Variants in CELF1 observed in about 807,000 individuals in gnomAD.
CELF1 encodes CUGBP Elav-like family member 1.
Under a neutral mutation model 61.8 loss-of-function variants are expected in CELF1, and 10 were observed. That is an observed-to-expected ratio of 0.16 (90% CI 0.10 to 0.27). The LOEUF is 0.27. Ranked by LOEUF, CELF1 falls within the 10% of genes least tolerant of loss-of-function variation. The pLI is 1.00. For missense variants in CELF1, 380 were observed against 639.1 expected (o/e 0.59, Z 4.37); for synonymous variants, 236 against 225.1 (o/e 1.05, Z -0.43).
At chr11:47,482,517 T>C (rs557346544) in intron 9 of CELF1, 178 bp downstream of exon 9, 6 of 524,590 alleles carry the variant, frequency 1.1e-5, no homozygotes, top group Admixed American at 3.5e-5. Context: ...GAGATACATA[T>C]ATATAGAGAG....
At chr11:47,559,243 G>A (rs1478244381) in intron 2 of CELF1, among the ~76,000 whole-genome samples, 3 of 151,210 alleles carry the variant, frequency 2.0e-5, no homozygotes, top group African/African-American at 4.9e-5. Context: ...CTACAGGCAC[G>A]CAGACTACAG....
chr11:47,539,420 TGCG>T (rs1375109651), intron 1 of CELF1, among the ~76,000 whole-genome samples: 1 of 152,098 alleles, frequency 6.6e-6, no homozygotes, highest in East Asian at 1.9e-4. Flanking sequence ...GGGAGGCCGA[TGCG>T]GACAGAACAC....
intron 3 of CELF1, among the ~76,000 whole-genome samples, chr11:47,498,970 T>C (rs2093558583): frequency 6.6e-6 from 1 of 152,132 alleles, no homozygotes; most frequent in East Asian, 1.9e-4. Context: ...TTGCACTTTG[T>C]ATGTTAATAC....
At chr11:47,504,880 C>T (rs1183433468) in intron 1 of CELF1, among the ~76,000 whole-genome samples, 3 of 133,962 alleles carry the variant, frequency 2.2e-5, no homozygotes, top group East Asian at 4.2e-4. Flanking sequence ...CCAGCCTGGG[C>T]GATAGAGTGA....
rs2153331780 is a variant in CELF1 at position 47,468,031 on chromosome 11, T to A, written c.*4199A>T. ...ATGCAAAACTTTTTTCTGGGCATAATCTTAGTAGGAAAGGAAAAAATTCAA... is the reference window on the plus strand; with the variant it reads ...ATGCAAAACTTTTTTCTGGGCATAAACTTAGTAGGAAAGGAAAAAATTCAA... On this transcript the variant is annotated 3_prime_UTR_variant, in exon 15 of 15. Coordinates refer to ENST00000687097, the MANE Select transcript of CELF1 (RefSeq NM_001376376.1). 1 of 152,116 alleles carries A rather than the reference T, an allele frequency of 6.6e-6. No homozygotes were observed. The highest frequency in any genetic ancestry group is 2.4e-5 in the African/African-American group (1 of 41,470). The allele number at this position is 152,116 out of a possible 1,614,324, so 9.4% of individuals were successfully genotyped here. A position where few individuals can be genotyped will look rare whatever the true frequency, so the allele number is the denominator to read the frequency against.
intron 6 of CELF1, among the ~76,000 whole-genome samples, chr11:47,486,134 C>CTGGGGTA (rs2153458994): frequency 1.0e-4 from 1 of 9,718 alleles, no homozygotes; most frequent in Non-Finnish European, 2.9e-4. Flanking sequence ...GTACTCCCGC[C>CTGGGGTA]CAGGCAACAG....
chr11:47,517,636 A>G (rs2095629504), intron 1 of CELF1, among the ~76,000 whole-genome samples: 1 of 152,106 alleles, frequency 6.6e-6, no homozygotes, highest in East Asian at 1.9e-4. Context: ...ACATGTGAAC[A>G]CGTTACCTAT....
In CELF1 at chr11:47,482,718, T is replaced by G. The variant is rs1347894458; in HGVS notation, c.745A>C (p.Thr249Pro). The change falls in exon 9 of 15, where the codon ACT becomes CCT. Residue 249 changes from threonine to proline, a missense_variant. Physicochemically the swap from Thr to Pro is conservative, Grantham distance 38 (BLOSUM62 -1). Transcript: ENST00000687097. ...SVWGNLAGLN[T>P]LGPQYLALYL... ...ACTGCTAAATACTGGGGTCCAAGAGTATTTAGACCAGCAAGGTTTCCCCAC... is the reference window on the plus strand; with the variant it reads ...ACTGCTAAATACTGGGGTCCAAGAGGATTTAGACCAGCAAGGTTTCCCCAC... 1 of 1,613,560 alleles carries G rather than the reference T, an allele frequency of 6.2e-7. No homozygotes were observed. The highest frequency in any genetic ancestry group is 2.2e-5 in the East Asian group (1 of 44,874).
At chr11:47,515,969 G>T (rs1037872882) in intron 1 of CELF1, among the ~76,000 whole-genome samples, 1 of 151,404 alleles carries the variant, frequency 6.6e-6, no homozygotes. Flanking sequence ...CAGGCTAGAG[G>T]GTAGTGGTGC....
chr11:47,562,529 CAA>C (rs35621873), intron 2 of CELF1, among the ~76,000 whole-genome samples: 2 of 91,122 alleles, frequency 2.2e-5, no homozygotes, highest in African/African-American at 8.9e-5. Flanking sequence ...AACTCTATCT[CAA>C]AAAAAAAAAA....
At chr11:47,544,788 C>A (rs2096891825) in intron 1 of CELF1, among the ~76,000 whole-genome samples, 1 of 151,872 alleles carries the variant, frequency 6.6e-6, no homozygotes, top group Admixed American at 6.6e-5. Context: ...CATGGAGAAA[C>A]CCCATCTCTA....
intron 1 of CELF1, among the ~76,000 whole-genome samples, chr11:47,526,018 C>G (rs907480091): frequency 6.6e-6 from 1 of 152,032 alleles, no homozygotes; most frequent in Non-Finnish European, 1.5e-5. Context: ...CTTATCCCAC[C>G]TACCAGAACT....
chr11:47,533,631 A>AAAAATAC (rs1565896017), intron 1 of CELF1, among the ~76,000 whole-genome samples: 1 of 29,444 alleles, frequency 3.4e-5, no homozygotes, highest in East Asian at 1.1e-3. Context: ...TCAAAAAATA[A>AAAAATAC]ATAAATACAT....
chr11:47,534,409 G>T (rs1287791883), intron 1 of CELF1, among the ~76,000 whole-genome samples: 3 of 150,652 alleles, frequency 2.0e-5, no homozygotes, highest in African/African-American at 7.3e-5. Context: ...AATTATGTTA[G>T]AAATATATCA....
At chr11:47,493,463 G>C (rs2092341165) in intron 3 of CELF1, among the ~76,000 whole-genome samples, 1 of 146,764 alleles carries the variant, frequency 6.8e-6, no homozygotes, top group Non-Finnish European at 1.5e-5. Flanking sequence ...AGCCGAGATC[G>C]TGCCATTGTA....
At chr11:47,505,304 T>C (rs77886697) in intron 1 of CELF1, among the ~76,000 whole-genome samples, 2,686 of 151,224 alleles carry the variant, frequency 0.018, 97 homozygotes, top group African/African-American at 0.049. Flanking sequence ...ATACTGTAAG[T>C]TTACACTTTA....
intron 9 of CELF1, among the ~76,000 whole-genome samples, chr11:47,481,836 AAAGG>A (rs2083433357): frequency 6.6e-6 from 1 of 152,250 alleles, no homozygotes; most frequent in South Asian, 2.1e-4. Flanking sequence ...AGATCAAATT[AAAGG>A]AAGTCTATTT....
intron 1 of CELF1, among the ~76,000 whole-genome samples, chr11:47,540,975 C>G (rs1169133728): frequency 6.6e-6 from 1 of 152,142 alleles, no homozygotes; most frequent in East Asian, 1.9e-4. Flanking sequence ...CCCACCCGAT[C>G]TAGCATGGTA....
intron 13 of CELF1, among the ~76,000 whole-genome samples, chr11:47,473,672 G>A (rs191603176): frequency 6.6e-5 from 10 of 152,276 alleles, no homozygotes; most frequent in African/African-American, 2.4e-4. Context: ...GACTACAAAG[G>A]GGCACGAGGG....
Sources: allele counts gnomAD v4.1 joint callset (sites outside exome capture counted in the v4.1 genomes callset), GRCh38; gene constraint gnomAD v4.1.1; transcripts MANE v1.5; gene names NCBI Gene and HGNC (gene_info 2026-07-23, HGNC 2026-07-21).